KANSL1: variants seen among roughly 807,000 people sequenced by gnomAD.
KANSL1 encodes MLL1/MLL complex subunit KANSL1.
KANSL1 carries 22 observed loss-of-function variants against 103.6 expected under a neutral mutation model. That is an observed-to-expected ratio of 0.21 (90% CI 0.15 to 0.30). The LOEUF (loss-of-function observed/expected upper bound fraction) is 0.30. Ranked by LOEUF, KANSL1 falls within the 10% of genes least tolerant of loss-of-function variation. The pLI, the probability that KANSL1 is intolerant of heterozygous loss-of-function variation, is 1.00. For missense variants in KANSL1, 1,337 were observed against 1,399.8 expected, an observed-to-expected ratio of 0.96 and a Z score of 0.72; for synonymous variants, 600 against 527.6, an observed-to-expected ratio of 1.14 and a Z score of -1.88.
chr17:46,195,362 A>G (rs1298030756), upstream of KANSL1, among the ~76,000 whole-genome samples: 2 of 152,260 alleles, frequency 1.3e-5, no homozygotes, highest in African/African-American at 2.4e-5. Flanking sequence ...TATATGAAAT[A>G]TATTTTTCTA....
chr17:46,059,647 A>AAAGAGAGAGAGAGAGAGAGAG, intron 6 of KANSL1, among the ~76,000 whole-genome samples: 1 of 54,870 alleles, frequency 1.8e-5, no homozygotes, highest in Middle Eastern at 0.013. Flanking sequence ...AAAAAAAAAA[A>AAAGAGAGAGAGAGAGAGAGAG]AGAGAGAGAG....
At chr17:46,101,434 A>T (rs1196764840) in intron 2 of KANSL1, among the ~76,000 whole-genome samples, 1 of 152,204 alleles carries the variant, frequency 6.6e-6, no homozygotes, top group Non-Finnish European at 1.5e-5. Context: ...ACTGCAACCT[A>T]AAATGTATGT....
At chr17:46,126,259 T>C (rs2043551597) in intron 2 of KANSL1, among the ~76,000 whole-genome samples, 1 of 152,066 alleles carries the variant, frequency 6.6e-6, no homozygotes, top group Admixed American at 6.6e-5. Flanking sequence ...CTGGCCAACG[T>C]GGTGAAATCT....
chr17:46,156,033 TCTC>T (rs1429538609), intron 2 of KANSL1, among the ~76,000 whole-genome samples: 22 of 152,220 alleles, frequency 1.4e-4, no homozygotes, highest in Non-Finnish European at 2.2e-4. Context: ...GAAAAAAACT[TCTC>T]CTCCTAAGTA....
At chr17:46,095,980 C>T (rs541339420) in intron 2 of KANSL1, among the ~76,000 whole-genome samples, 2 of 152,102 alleles carry the variant, frequency 1.3e-5, no homozygotes, top group Admixed American at 6.5e-5. Context: ...GATGGGAAAA[C>T]GCACAGTCTC....
intron 2 of KANSL1, among the ~76,000 whole-genome samples, chr17:46,132,316 T>A (rs1051511739): frequency 6.6e-6 from 1 of 152,162 alleles, no homozygotes; most frequent in Admixed American, 6.5e-5. Flanking sequence ...GAGAACCAAA[T>A]GAGATAGTGT....
Position 46,032,262 on chromosome 17 carries a change from G to A in KANSL1, c.2875C>T (p.Leu959=), listed in dbSNP as rs2077032275. ...RSSDGRTTPQ[L]GSANPSTPQP... ...GGGGTGGAGGGGTTGGCACTGCCCA[G>A]CTGGGGGGTTGTCCGGCCGTCTGAT... Residue 959 remains leucine, a synonymous_variant, in exon 14 of 15, where the codon CTG becomes TTG. Transcript: ENST00000432791. The A allele has an allele frequency of 1.3e-6, 2 of 1,537,592 alleles. No homozygotes were observed. Among genetic ancestry groups the A allele is most frequent in the African/African-American group, 2.7e-5 (2 of 72,830 alleles).
intron 2 of KANSL1, among the ~76,000 whole-genome samples, chr17:46,163,614 T>A (rs922481709): frequency 6.6e-6 from 1 of 152,228 alleles, no homozygotes; most frequent in East Asian, 1.9e-4. Context: ...TGGACTCTCA[T>A]GAGCTCTTAA....
rs1486460208 is a variant in KANSL1 at position 46,185,024 on chromosome 17, T to C, written c.-90+7799A>G. ...CTAGCTAATTTTTTGTCTTTTTTAG[T>C]AGAGACAGGGTTCCACCATGTTGGC... On this transcript the variant is annotated intron_variant, in intron 1 of 14. Coordinates refer to ENST00000432791, the MANE Select transcript of KANSL1 (RefSeq NM_015443.4). Among the ~76,000 whole-genome samples, 4 of 152,038 alleles carry C rather than the reference T, an allele frequency of 2.6e-5. No individual in the cohort carries two copies. In the East Asian group the frequency reaches 7.7e-4, roughly 29 times the overall value.
chr17:46,050,671 C>G lies in KANSL1; in HGVS notation c.1882G>C (p.Asp628His), dbSNP rs375256880. 8 of 1,614,118 alleles carry G rather than the reference C, an allele frequency of 5.0e-6. No homozygotes were observed. The highest frequency in any genetic ancestry group is 1.7e-5 in the Admixed American group (1 of 60,016). The change falls in exon 7 of 15, where the codon GAT (aspartate) becomes CAT (histidine). Residue 628 changes from aspartate to histidine, a missense_variant. Around this residue, in one of 2 missense-constraint regions of KANSL1, gnomAD observed 780 missense variants for 923.4 expected, o/e 0.84. Coordinates refer to ENST00000432791, the MANE Select transcript of KANSL1 (RefSeq NM_015443.4). ...HRNSTIRPGCDVNPSCALCGS... is the reference protein window; with the variant it reads ...HRNSTIRPGCHVNPSCALCGS... ...CACAGTGCGCAGGAGGGATTCACATCACAGCCAGGGCGGATTGTGCTGTTC... is the reference window on the plus strand; with the variant it reads ...CACAGTGCGCAGGAGGGATTCACATGACAGCCAGGGCGGATTGTGCTGTTC...
intron 2 of KANSL1, among the ~76,000 whole-genome samples, chr17:46,139,047 A>C (rs985092972): frequency 2.0e-5 from 3 of 152,242 alleles, no homozygotes; most frequent in Non-Finnish European, 2.9e-5. Context: ...TTGAGTTTTA[A>C]GGAAGAAACT....
At chr17:46,186,352 C>T (rs540428035) in intron 1 of KANSL1, among the ~76,000 whole-genome samples, 63 of 151,580 alleles carry the variant, frequency 4.2e-4, no homozygotes, top group Middle Eastern at 3.4e-3. Flanking sequence ...CACTGCACCT[C>T]CAGCCTGGGG....
At chr17:46,049,240 CTTTTTT>C (rs34418861) in intron 7 of KANSL1, among the ~76,000 whole-genome samples, 2 of 75,768 alleles carry the variant, frequency 2.6e-5, no homozygotes, top group Non-Finnish European at 4.8e-5. Flanking sequence ...CATCCAAGAC[CTTTTTT>C]TTTTTTTTTT....
Position 46,039,169 on chromosome 17 carries a change from G to C in KANSL1, c.2250C>G (p.His750Gln). Residue 750 changes from histidine (H) to glutamine (Q), a missense_variant, in exon 9 of 15, where the codon CAC (histidine) becomes CAG (glutamine). Transcript: ENST00000432791. ...QTRPDRTHRQ[H>Q]LDDVGAVPMV... Reference sequence around the variant, plus strand: ...TGGGCACGGCCCCCACATCGTCTAAGTGCTGCCTGTGGGTCCTGTCAGGCC... The same window carrying C: ...TGGGCACGGCCCCCACATCGTCTAACTGCTGCCTGTGGGTCCTGTCAGGCC... The C allele has an allele frequency of 1.9e-6, 3 of 1,607,332 alleles. No individual in the cohort carries two copies. The highest frequency in any genetic ancestry group is 2.5e-6 in the Non-Finnish European group (3 of 1,177,884).
At chr17:46,148,718 C>T (rs536985690) in intron 2 of KANSL1, among the ~76,000 whole-genome samples, 1 of 152,048 alleles carries the variant, frequency 6.6e-6, no homozygotes, top group African/African-American at 2.4e-5. Flanking sequence ...TCCTGAACAG[C>T]TGGGTACAAG....
chr17:46,144,861 G>A (rs1006942627), intron 2 of KANSL1, among the ~76,000 whole-genome samples: 5 of 152,092 alleles, frequency 3.3e-5, no homozygotes, highest in Non-Finnish European at 5.9e-5. Flanking sequence ...TTTTCCACAC[G>A]AAATGCAAGG....
At chr17:46,107,842 G>A (rs2042635730) in intron 2 of KANSL1, among the ~76,000 whole-genome samples, 1 of 152,096 alleles carries the variant, frequency 6.6e-6, no homozygotes, top group Admixed American at 6.5e-5. Flanking sequence ...ATCTGTTCAG[G>A]TCAAAAACCT....
At chr17:46,203,162 G>A (rs1597962009) in intron 1 of KANSL1, among the ~76,000 whole-genome samples, 1 of 152,280 alleles carries the variant, frequency 6.6e-6, no homozygotes, top group Non-Finnish European at 1.5e-5. Context: ...AACCCAGCGG[G>A]AGGTAGAGGT....
At chr17:46,073,102 C>T (rs2078635947) in intron 4 of KANSL1, among the ~76,000 whole-genome samples, 2 of 152,208 alleles carry the variant, frequency 1.3e-5, no homozygotes, top group Non-Finnish European at 1.5e-5. Flanking sequence ...ATGAACTACT[C>T]ACTGTCCCTA....
Sources: allele counts gnomAD v4.1 joint callset (sites outside exome capture counted in the v4.1 genomes callset), GRCh38; gene constraint gnomAD v4.1.1; regional missense constraint gnomAD v4.1.1; transcripts MANE v1.5; gene names NCBI Gene and HGNC (gene_info 2026-07-23, HGNC 2026-07-21).